Variants in NRXN1 observed in about 807,000 individuals in gnomAD.
NRXN1 encodes the protein neurexin 1.
A neutral mutation model predicts 150.9 loss-of-function variants in NRXN1; 39 were observed. The ratio of observed to expected loss-of-function variants is 0.26; its 90% CI spans 0.20 to 0.34. NRXN1 has a LOEUF of 0.34. Ranked by LOEUF, NRXN1 falls within the 10% of genes least tolerant of loss-of-function variation. The pLI is 1.00. For missense variants in NRXN1, 1,815 were observed against 1,949.9 expected, an observed-to-expected ratio of 0.93 and a Z score of 1.30; for synonymous variants, 924 against 757.0, an observed-to-expected ratio of 1.22 and a Z score of -3.62.
chr2:50,965,232 C>T (rs1394994382), intron 2 of NRXN1, among the ~76,000 whole-genome samples: 1 of 151,248 alleles, frequency 6.6e-6, no homozygotes, highest in African/African-American at 2.4e-5. Flanking sequence ...TTGATTGCAG[C>T]TATTTTTATC....
chr2:50,648,863 T>C (rs1218636161), intron 5 of NRXN1, among the ~76,000 whole-genome samples: 1 of 152,010 alleles, frequency 6.6e-6, no homozygotes, highest in Non-Finnish European at 1.5e-5. Context: ...CTTTTGGCCC[T>C]TCTATTTGTA....
chr2:50,174,969 A>G (rs1021861760), intron 18 of NRXN1: 1 of 152,162 alleles, frequency 6.6e-6, no homozygotes, highest in Non-Finnish European at 1.5e-5. Context: ...TATTACCCAC[A>G]TGACCTCTCA....
chr2:49,948,973 CA>C (rs1361756003), intron 21 of NRXN1, among the ~76,000 whole-genome samples: 2 of 151,976 alleles, frequency 1.3e-5, no homozygotes, highest in South Asian at 2.1e-4. Context: ...TCTGTACATG[CA>C]CATCGTAAGC....
At chr2:50,606,887 A>T (rs1677220401) in intron 8 of NRXN1, among the ~76,000 whole-genome samples, 2 of 152,138 alleles carry the variant, frequency 1.3e-5, no homozygotes, top group African/African-American at 4.8e-5. Flanking sequence ...ATTCCACTTG[A>T]CATTTAATTG....
intron 8 of NRXN1, among the ~76,000 whole-genome samples, chr2:50,559,677 T>C (rs956215232): frequency 2.6e-5 from 4 of 152,166 alleles, no homozygotes; most frequent in African/African-American, 9.7e-5. Flanking sequence ...TCAAATTTAA[T>C]GTCATTGATA....
chr2:50,662,661 T>G (rs1687464678), intron 5 of NRXN1, among the ~76,000 whole-genome samples: 1 of 152,000 alleles, frequency 6.6e-6, no homozygotes, highest in Non-Finnish European at 1.5e-5. Flanking sequence ...GCGATTCTTC[T>G]TCCAATGTGG....
intron 17 of NRXN1, chr2:50,312,868 C>T: frequency 4.4e-6 from 2 of 455,658 alleles, no homozygotes; most frequent in South Asian, 3.1e-5. Context: ...TTGATAGAGG[C>T]AGGCAGTGCT....
chr2:50,247,336 C>T (rs1234386005), intron 17 of NRXN1, among the ~76,000 whole-genome samples: 2 of 152,044 alleles, frequency 1.3e-5, no homozygotes, highest in African/African-American at 4.8e-5. Flanking sequence ...AAAAATTCTG[C>T]ATATTTTACA....
chr2:50,069,420 G>T (rs1361037321), intron 19 of NRXN1, among the ~76,000 whole-genome samples: 1 of 152,088 alleles, frequency 6.6e-6, no homozygotes, highest in African/African-American at 2.4e-5. Context: ...AGGCCACCTT[G>T]TTAAAACATG....
rs1216478959 is a variant in NRXN1, at chr2:50,581,464, AG to A, written c.1321-28440del. Reference sequence around the variant, plus strand: ...ATATTTCACCATCCCTCAGATTCATAGGTAATATAAAGGATAAATCAGTAGC... The same window carrying A: ...ATATTTCACCATCCCTCAGATTCATAGTAATATAAAGGATAAATCAGTAGC... On this transcript the variant is annotated intron_variant, in intron 8 of 22. Transcript: ENST00000401669. Among the ~76,000 whole-genome samples, 3 of 152,216 alleles carry A rather than the reference AG, an allele frequency of 2.0e-5. No homozygotes were observed. The East Asian group carries it at 5.8e-4, about 29-fold the overall frequency.
chr2:50,803,869 C>T (rs1052323435), intron 5 of NRXN1, among the ~76,000 whole-genome samples: 5 of 152,040 alleles, frequency 3.3e-5, no homozygotes, highest in African/African-American at 9.7e-5. Flanking sequence ...GATGATAACC[C>T]CAGGCTTTGA....
At chr2:50,702,402 AAAC>A (rs1693870354) in intron 5 of NRXN1, among the ~76,000 whole-genome samples, 2 of 152,136 alleles carry the variant, frequency 1.3e-5, no homozygotes, top group Admixed American at 1.3e-4. Flanking sequence ...AGCATATGTA[AAAC>A]ACAGAAGAGA....
chr2:50,909,757 G>A (rs937955768), intron 5 of NRXN1, among the ~76,000 whole-genome samples: 2 of 151,864 alleles, frequency 1.3e-5, no homozygotes. Flanking sequence ...TTTTTCCATG[G>A]TATATTCTCT....
chr2:50,282,164 G>T (rs906792634), intron 17 of NRXN1, among the ~76,000 whole-genome samples: 1 of 152,106 alleles, frequency 6.6e-6, no homozygotes, highest in African/African-American at 2.4e-5. Context: ...AGAAGATGTG[G>T]CTGGAAAGAT....
At chr2:50,923,994 C>A (rs989134512) in intron 3 of NRXN1, among the ~76,000 whole-genome samples, 1 of 151,838 alleles carries the variant, frequency 6.6e-6, no homozygotes, top group Admixed American at 6.6e-5. Context: ...AAAGTTCACA[C>A]AGGCAGATTC....
At chr2:50,520,937 TAAGAC>T (rs1211691196) in intron 12 of NRXN1, among the ~76,000 whole-genome samples, 2 of 152,098 alleles carry the variant, frequency 1.3e-5, no homozygotes, top group Non-Finnish European at 2.9e-5. Flanking sequence ...AAAACAACTT[TAAGAC>T]ATGTCATTAC....
rs1668180371 is a variant in NRXN1, at chr2:49,921,418, G to T, written c.*526C>A. 6.5e-6 allele frequency: 1 copy of T among 152,798 alleles called. No homozygotes were observed. The highest frequency in any genetic ancestry group is 6.5e-5 in the Admixed American group (1 of 15,272). The allele number at this position is 152,798 out of a possible 1,614,324, so 9.5% of individuals were successfully genotyped here. Reference sequence around the variant, plus strand: ...AAAAAGCCAGCACTTTGTTTCAAATGCAAGTTCCAACCACTGCTCCAGTTG... The same window carrying T: ...AAAAAGCCAGCACTTTGTTTCAAATTCAAGTTCCAACCACTGCTCCAGTTG... On this transcript the variant is annotated 3_prime_UTR_variant, in exon 23 of 23. Coordinates refer to ENST00000401669, the MANE Select transcript of NRXN1 (RefSeq NM_001330078.2).
At chr2:50,874,925 T>A (rs1471742722) in intron 5 of NRXN1, among the ~76,000 whole-genome samples, 1 of 151,812 alleles carries the variant, frequency 6.6e-6, no homozygotes, top group Non-Finnish European at 1.5e-5. Flanking sequence ...AATGGGTAGA[T>A]TTAGATGCTA....
intron 18 of NRXN1, among the ~76,000 whole-genome samples, chr2:50,212,453 C>T (rs955830047): frequency 1.5e-4 from 23 of 151,546 alleles, no homozygotes; most frequent in African/African-American, 5.6e-4. Context: ...GTAAGAGCAT[C>T]GATTTGAGTC....
Sources: gnomAD v4.1 joint callset for allele counts (sites outside exome capture counted in the v4.1 genomes callset) on GRCh38, gnomAD v4.1.1 for gene constraint, MANE v1.5 for transcripts, NCBI Gene and HGNC (gene_info 2026-07-23, HGNC 2026-07-21) for gene names.